Variants in RAB3GAP1 observed in about 807,000 individuals in gnomAD.
RAB3GAP1 encodes the protein rab3 GTPase-activating protein catalytic subunit.
Under a neutral mutation model 130.7 loss-of-function variants are expected in RAB3GAP1, and 86 were observed. That is an observed-to-expected ratio of 0.66 (90% CI 0.55 to 0.79). The LOEUF (loss-of-function observed/expected upper bound fraction) is 0.79. Among genes scored for constraint, RAB3GAP1 ranks in the 30% least tolerant of loss-of-function variants. The pLI is 0.00. For synonymous variants in RAB3GAP1, 367 were observed against 401.7 expected, an observed-to-expected ratio of 0.91 and a Z score of 1.03; for missense variants, 1,029 against 1,169.4, an observed-to-expected ratio of 0.88 and a Z score of 1.75.
At chr2:135,165,264 A>C in intron 23 of RAB3GAP1, 2 of 407,312 alleles carry the variant, frequency 4.9e-6, no homozygotes, top group South Asian at 3.6e-5. Context: ...CTAGTAGTGA[A>C]AGTAAAGATT....
Position 135,169,708 on chromosome 2 carries a change from C to G in RAB3GAP1, c.*927C>G, listed in dbSNP as rs1346491342. The G allele has an allele frequency of 1.1e-5, 5 of 456,000 alleles. No individual in the cohort carries two copies. Among genetic ancestry groups the G allele is most frequent in the South Asian group, 7.8e-5 (5 of 64,508 alleles). 28.2% of individuals were successfully genotyped at this position (456,000 alleles called of 1,614,324 possible). A position where few individuals can be genotyped will look rare whatever the true frequency, so the allele number is the denominator to read the frequency against. ...TGCATTGAGTAGAGGATTATTTTAA[C>G]ACACTATTTTGCTTTTGTATTTTAG... On this transcript the variant is annotated 3_prime_UTR_variant, in exon 24 of 24. Coordinates refer to ENST00000264158, the MANE Select transcript of RAB3GAP1 (RefSeq NM_012233.3).
At chr2:135,141,446 G>A (rs531628270) in intron 17 of RAB3GAP1, among the ~76,000 whole-genome samples, 7 of 151,966 alleles carry the variant, frequency 4.6e-5, no homozygotes, top group Admixed American at 2.0e-4. Context: ...GGCTGGTCTC[G>A]AACTCCTGAC....
Position 135,170,324 on chromosome 2 carries a change from T to C in RAB3GAP1, c.*1543T>C, listed in dbSNP as rs1221954343. On this transcript the variant is annotated 3_prime_UTR_variant, in exon 24 of 24. Coordinates refer to ENST00000264158, the MANE Select transcript of RAB3GAP1 (RefSeq NM_012233.3). ...TCTTTCATTTTCTCCCGCTGAGGCA[T>C]TTCAGTCTAATTTCATGTGGTTTTG... is the stretch of plus-strand genomic sequence containing the variant. 1.3e-5 allele frequency: 2 copies of C among 152,164 alleles called. No individual in the cohort carries two copies. Among genetic ancestry groups the C allele is most frequent in the East Asian group, 3.9e-4 (2 of 5,180 alleles). The allele number at this position is 152,164 out of a possible 1,614,324, so 9.4% of individuals were successfully genotyped here. A position where few individuals can be genotyped will look rare whatever the true frequency, so the allele number is the denominator to read the frequency against.
intron 5 of RAB3GAP1, among the ~76,000 whole-genome samples, chr2:135,112,730 A>G (rs1482475467): frequency 6.6e-6 from 1 of 152,198 alleles, no homozygotes; most frequent in Non-Finnish European, 1.5e-5. Context: ...TCTTATGAAT[A>G]CACCCATGTG....
intron 19 of RAB3GAP1, among the ~76,000 whole-genome samples, chr2:135,154,422 C>A (rs531024962): frequency 6.6e-6 from 1 of 152,232 alleles, no homozygotes; most frequent in East Asian, 1.9e-4. Flanking sequence ...CCTCCACCCC[C>A]CCAAGAAAAT....
intron 5 of RAB3GAP1, among the ~76,000 whole-genome samples, chr2:135,105,644 C>T (rs940253322): frequency 3.3e-5 from 5 of 152,180 alleles, no homozygotes; most frequent in African/African-American, 4.8e-5. Flanking sequence ...AGCCTCTGCC[C>T]GGCCGCCACC....
intron 2 of RAB3GAP1, among the ~76,000 whole-genome samples, chr2:135,056,138 CAT>C (rs1241729995): frequency 1.3e-5 from 2 of 151,484 alleles, no homozygotes; most frequent in African/African-American, 2.4e-5. Context: ...GCCCGGCCGA[CAT>C]ATTTCCTTCT....
At chr2:135,096,673 T>C (rs543724579) in intron 5 of RAB3GAP1, among the ~76,000 whole-genome samples, 98 of 152,316 alleles carry the variant, frequency 6.4e-4, no homozygotes, top group African/African-American at 2.3e-3. Context: ...TGTTTGGCTA[T>C]ATACTGAATT....
intron 7 of RAB3GAP1, among the ~76,000 whole-genome samples, chr2:135,117,543 G>GCTT (rs34092587): frequency 9.1e-5 from 4 of 43,844 alleles, no homozygotes; most frequent in African/African-American, 1.8e-4. Flanking sequence ...TTCTTCTTCT[G>GCTT]CTTCTTCTTC....
chr2:135,167,764 C>CT, intron 23 of RAB3GAP1: 5 of 1,418,868 alleles, frequency 3.5e-6, no homozygotes, highest in Non-Finnish European at 4.8e-6. Context: ...TCCCATCCCT[C>CT]TAATTTCATA....
chr2:135,151,867 G>C (rs569918594), intron 18 of RAB3GAP1, among the ~76,000 whole-genome samples: 1 of 152,198 alleles, frequency 6.6e-6, no homozygotes, highest in Non-Finnish European at 1.5e-5. Context: ...GCATGCACGG[G>C]AGGACATTCC....
At chr2:135,157,695 G>A (rs989517553) in intron 19 of RAB3GAP1, among the ~76,000 whole-genome samples, 1 of 151,972 alleles carries the variant, frequency 6.6e-6, no homozygotes, top group African/African-American at 2.4e-5. Flanking sequence ...AGCTGGGGGT[G>A]GTAGCACACG....
intron 12 of RAB3GAP1, 108 bp from the exon 13 acceptor site, chr2:135,130,436 ATGTAACAC>A: frequency 1.2e-6 from 1 of 851,324 alleles, no homozygotes; most frequent in Non-Finnish European, 1.8e-6. Context: ...TTCCAAGACC[ATGTAACAC>A]TAGTAAAAAG....
intron 19 of RAB3GAP1, among the ~76,000 whole-genome samples, chr2:135,159,092 A>G (rs1164930212): frequency 6.6e-6 from 1 of 152,252 alleles, no homozygotes; most frequent in East Asian, 1.9e-4. Context: ...CAGAGTACAA[A>G]ATAAATATCC....
intron 9 of RAB3GAP1, 59 bp downstream of exon 9, chr2:135,124,305 A>C: frequency 1.4e-6 from 2 of 1,475,156 alleles, no homozygotes; most frequent in Non-Finnish European, 1.9e-6. Context: ...ATTTATATTG[A>C]TATTGATTTC....
Position 135,150,385 on chromosome 2 carries a change from CAGA to C in RAB3GAP1, c.1944_1946del (p.Glu648del). 6.2e-7 allele frequency: 1 copy of C among 1,614,162 alleles called. No homozygotes were observed. Among genetic ancestry groups the C allele is most frequent in the Non-Finnish European group, 8.5e-7 (1 of 1,180,038 alleles). ...GCTTCACAGGAACCAGCACCTATGA[CAGA>C]AGATCTGCTAGAAGAGCAGTCTGAA... is the stretch of plus-strand genomic sequence containing the variant. On this transcript the variant is annotated inframe_deletion, in exon 18 of 24. Transcript: ENST00000264158.
intron 3 of RAB3GAP1, among the ~76,000 whole-genome samples, chr2:135,087,820 T>C (rs7596917): frequency 0.037 from 5,651 of 152,190 alleles, 311 homozygotes; most frequent in African/African-American, 0.13. Context: ...ATAGGGACAG[T>C]TTTCTTTTAA....
intron 3 of RAB3GAP1, among the ~76,000 whole-genome samples, chr2:135,084,151 A>G (rs1689910012): frequency 6.6e-6 from 1 of 152,160 alleles, no homozygotes; most frequent in Non-Finnish European, 1.5e-5. Context: ...AGGCTGAGGC[A>G]GGAGAATTGC....
chr2:135,119,390 G>A (rs28633678), intron 7 of RAB3GAP1, among the ~76,000 whole-genome samples: 6 of 152,184 alleles, frequency 3.9e-5, no homozygotes, highest in Non-Finnish European at 7.3e-5. Flanking sequence ...GATTACAGGC[G>A]TGAGCCACTG....
Sources: allele counts gnomAD v4.1 joint callset (sites outside exome capture counted in the v4.1 genomes callset), GRCh38; gene constraint gnomAD v4.1.1; transcripts MANE v1.5; gene names NCBI Gene and HGNC (gene_info 2026-07-23, HGNC 2026-07-21).